Variants in PTPRR observed in about 807,000 individuals in gnomAD.
PTPRR encodes receptor-type tyrosine-protein phosphatase R.
In PTPRR, 38 loss-of-function variants were observed where a neutral mutation model predicts 77.2. The ratio of observed to expected loss-of-function variants is 0.49; its 90% CI spans 0.38 to 0.65. The LOEUF is 0.65. PTPRR is among the 30% of genes least tolerant of loss of function. The pLI, the probability that PTPRR is intolerant of heterozygous loss-of-function variation, is 0.00. For synonymous variants in PTPRR, 299 were observed against 283.1 expected (o/e 1.06, Z -0.57); for missense variants, 744 against 799.2 (o/e 0.93, Z 0.83).
intron 2 of PTPRR, among the ~76,000 whole-genome samples, chr12:70,766,878 G>T (rs1034208406): frequency 1.3e-5 from 2 of 152,116 alleles, no homozygotes; most frequent in African/African-American, 4.8e-5. Flanking sequence ...TTAAAGAAAA[G>T]AATTTTCAAC....
intron 2 of PTPRR, among the ~76,000 whole-genome samples, chr12:70,838,227 GT>G (rs1431268988): frequency 6.6e-6 from 1 of 152,074 alleles, no homozygotes; most frequent in Non-Finnish European, 1.5e-5. Context: ...TGTATTGAGG[GT>G]TGAGTCCTCA....
At chr12:70,812,745 C>G (rs1251454825) in intron 2 of PTPRR, among the ~76,000 whole-genome samples, 1 of 152,180 alleles carries the variant, frequency 6.6e-6, no homozygotes, top group Non-Finnish European at 1.5e-5. Flanking sequence ...AAAGCACACT[C>G]TTCAGAAAAA....
intron 2 of PTPRR, among the ~76,000 whole-genome samples, chr12:70,858,571 T>TA (rs111568881): frequency 0.12 from 18,305 of 152,056 alleles, 2,055 homozygotes; most frequent in African/African-American, 0.3. Context: ...TTGGGCACTT[T>TA]ATCCTCTATT....
rs146671808 is a variant in PTPRR at position 70,650,454 on chromosome 12, T to C, written c.1880+6250A>G. On this transcript the variant is annotated intron_variant, in intron 13 of 13. Transcript: ENST00000283228. The stretch of plus-strand genomic sequence containing the variant: ...AAAAAACAAACAAAACAAAACAAAA[T>C]ATATATATATATATAAACAGCTTTT... 4.4e-5 allele frequency among the ~76,000 whole-genome samples: 4 copies of C among 89,976 alleles called. No homozygotes were observed. In the East Asian group the frequency reaches 2.0e-3, roughly 45 times the overall value. 59.0% of individuals were successfully genotyped at this position (89,976 alleles called of 152,430 possible).
chr12:70,639,250 C>G lies in PTPRR; in HGVS notation c.1908G>C (p.Gln636His), dbSNP rs1455202411. 6.2e-7 allele frequency: 1 copy of G among 1,613,400 alleles called. No individual in the cohort carries two copies. The highest frequency in any genetic ancestry group is 1.3e-5 in the African/African-American group (1 of 74,924). Reference sequence around the variant, plus strand: ...ACAGAGCATGGTGCACAAATTCATACTGCTCACTGGTTTGCACCATTCCAC... The same window carrying G: ...ACAGAGCATGGTGCACAAATTCATAGTGCTCACTGGTTTGCACCATTCCAC... ...DRGGMVQTSE[Q>H]YEFVHHALCL... The change falls in exon 14 of 14, where the codon CAG becomes CAC. Residue 636 changes from glutamine to histidine, a missense_variant. Transcript: ENST00000283228.
At chr12:70,895,661 A>G (rs1281175520) in intron 1 of PTPRR, among the ~76,000 whole-genome samples, 2 of 151,610 alleles carry the variant, frequency 1.3e-5, no homozygotes, top group Non-Finnish European at 3.0e-5. Context: ...TAGACCCCAG[A>G]CTAGAACTAC....
chr12:70,644,686 C>G (rs1366403607), intron 13 of PTPRR, among the ~76,000 whole-genome samples: 1 of 152,228 alleles, frequency 6.6e-6, no homozygotes, highest in Admixed American at 6.5e-5. Flanking sequence ...GTTATTGTTA[C>G]TCTTTGGTAC....
chr12:70,656,919 G>A lies in PTPRR; in HGVS notation c.1767-102C>T, dbSNP rs1164629072. The A allele has an allele frequency of 1.6e-5, 9 of 567,466 alleles. No individual in the cohort carries two copies. The African/African-American group carries it at 1.7e-4, about 11-fold the overall frequency. The allele number at this position is 567,466 out of a possible 1,614,324, so 35.2% of individuals were successfully genotyped here. On this transcript the variant is annotated intron_variant, in intron 12 of 13. Coordinates refer to ENST00000283228, the MANE Select transcript of PTPRR (RefSeq NM_002849.4). The stretch of plus-strand genomic sequence containing the variant: ...TTTAAATCTGAAACCACAGTTAAAA[G>A]TAGTATTCACATATTGAGTATTATA...
At chr12:70,747,641 G>T (rs570681517) in intron 5 of PTPRR, among the ~76,000 whole-genome samples, 1 of 152,226 alleles carries the variant, frequency 6.6e-6, no homozygotes, top group East Asian at 1.9e-4. Flanking sequence ...TTATGTTTTT[G>T]ATGAGAAACC....
At chr12:70,840,279 C>T (rs1309523170) in intron 2 of PTPRR, among the ~76,000 whole-genome samples, 1 of 152,070 alleles carries the variant, frequency 6.6e-6, no homozygotes, top group African/African-American at 2.4e-5. Flanking sequence ...TCTCCAAAGC[C>T]AGAATAGCCT....
At chr12:70,886,845 C>G (rs533934628) in intron 2 of PTPRR, among the ~76,000 whole-genome samples, 173 of 152,096 alleles carry the variant, frequency 1.1e-3, no homozygotes, top group African/African-American at 4.0e-3. Context: ...ATTGTGGTCA[C>G]TGGAAATACA....
intron 2 of PTPRR, among the ~76,000 whole-genome samples, chr12:70,784,521 C>A (rs915771882): frequency 3.3e-5 from 5 of 152,172 alleles, no homozygotes; most frequent in African/African-American, 9.6e-5. Flanking sequence ...AACCTAGCCC[C>A]GCTCCAATGG....
rs752194389 is a variant in PTPRR at position 70,701,290 on chromosome 12, C to G, written c.1041G>C (p.Met347Ile). The G allele has an allele frequency of 6.2e-7, 1 of 1,613,790 alleles. No homozygotes were observed. The stretch of plus-strand genomic sequence containing the variant: ...AGGGTTCAATGTTCCCCAAGCTACT[C>G]ATGTCCAATGTAAGAGATACGTTGG... ...RGSNVSLTLDMSSLGNIEPFV... is the reference protein window; with the variant it reads ...RGSNVSLTLDISSLGNIEPFV... Residue 347 changes from methionine to isoleucine, a missense_variant, in exon 7 of 14, where the codon ATG becomes ATC. Met to Ile is a conservative substitution (Grantham distance 10, BLOSUM62 1). Coordinates refer to ENST00000283228, the MANE Select transcript of PTPRR (RefSeq NM_002849.4).
chr12:70,725,876 A>G (rs1004909500), intron 6 of PTPRR, among the ~76,000 whole-genome samples: 2 of 152,148 alleles, frequency 1.3e-5, no homozygotes, highest in African/African-American at 4.8e-5. Flanking sequence ...TCTAGGATGA[A>G]TGCACAGCCC....
chr12:70,784,535 G>A (rs1235613749), intron 2 of PTPRR, among the ~76,000 whole-genome samples: 2 of 152,208 alleles, frequency 1.3e-5, no homozygotes, highest in South Asian at 2.1e-4. Context: ...CCAATGGGCG[G>A]TGCCCAGGGC....
At chr12:70,650,452 A>AATAT (rs10585997) in intron 13 of PTPRR, among the ~76,000 whole-genome samples, 2 of 150,340 alleles carry the variant, frequency 1.3e-5, no homozygotes, top group African/African-American at 2.4e-5. Context: ...AACAAAACAA[A>AATAT]ATATATATAT....
intron 6 of PTPRR, among the ~76,000 whole-genome samples, chr12:70,710,746 A>C (rs892785125): frequency 1.3e-5 from 2 of 152,178 alleles, no homozygotes; most frequent in South Asian, 4.1e-4. Context: ...AAGGACAGGA[A>C]CAGACACTTC....
intron 6 of PTPRR, among the ~76,000 whole-genome samples, chr12:70,737,525 T>TCTATCTAG (rs1565674694): frequency 0.029 from 4,393 of 151,442 alleles, 229 homozygotes; most frequent in African/African-American, 0.1. Flanking sequence ...TATCTATCTA[T>TCTATCTAG]CTATCTATCT....
chr12:70,846,749 G>T (rs902714306), intron 2 of PTPRR, among the ~76,000 whole-genome samples: 1 of 152,078 alleles, frequency 6.6e-6, no homozygotes, highest in African/African-American at 2.4e-5. Context: ...AAATCTGCTG[G>T]GTCCTTGATC....
Sources: allele counts gnomAD v4.1 joint callset (sites outside exome capture counted in the v4.1 genomes callset), GRCh38; gene constraint gnomAD v4.1.1; transcripts MANE v1.5; gene names NCBI Gene and HGNC (gene_info 2026-07-23, HGNC 2026-07-21).